The following MYH11 variants were observed in gnomAD, a reference collection of about 807,000 sequenced individuals.
MYH11 encodes the protein myosin-11.
In MYH11, 80 loss-of-function variants were observed where a neutral mutation model predicts 246.6. The ratio of observed to expected loss-of-function variants is 0.32; its 90% confidence interval spans 0.27 to 0.39. The LOEUF is 0.39. Among genes scored for constraint, MYH11 ranks in the 10% least tolerant of loss-of-function variants. MYH11 has a pLI of 1.00. For missense variants in MYH11, 2,158 were observed against 2,546.8 expected (o/e 0.85, Z 3.29); for synonymous variants, 1,071 against 1,015.5 (o/e 1.05, Z -1.04).
intron 2 of MYH11, among the ~76,000 whole-genome samples, chr16:15,831,940 A>G (rs2043751343): frequency 6.6e-6 from 1 of 151,652 alleles, no homozygotes; most frequent in Non-Finnish European, 1.5e-5. Context: ...TCCATGTTAA[A>G]AAAAAAAAAA....
At chr16:15,811,659 C>T (rs1023566483) in intron 3 of MYH11, among the ~76,000 whole-genome samples, 1 of 151,914 alleles carries the variant, frequency 6.6e-6, no homozygotes, top group African/African-American at 2.4e-5. Context: ...GAGCAGGAAC[C>T]ATCCCCAGGG....
chr16:15,824,500 C>T (rs775478524), intron 2 of MYH11, among the ~76,000 whole-genome samples: 4 of 152,080 alleles, frequency 2.6e-5, no homozygotes, highest in Non-Finnish European at 4.4e-5. Context: ...AGGCTGGTCT[C>T]GAACTCCTGA....
rs139719694 is a variant in MYH11 at position 15,797,655 on chromosome 16, G to A, written c.530+1005C>T. On this transcript the variant is annotated intron_variant, in intron 4 of 40. Coordinates refer to ENST00000300036, the MANE Select transcript of MYH11 (RefSeq NM_002474.3). Reference sequence around the variant, plus strand: ...TATATTCTATATTTTCAAATTCACCGACCTGCTGAAAGTTATTTGTAACCC... The same window carrying A: ...TATATTCTATATTTTCAAATTCACCAACCTGCTGAAAGTTATTTGTAACCC... Among the ~76,000 whole-genome samples the A allele has an allele frequency of 9.5e-3, 1,423 of 150,446 alleles. 67 individuals carry two copies. The highest frequency in any genetic ancestry group is 0.085 in the Admixed American group (1,275 of 15,030).
Position 15,763,851 on chromosome 16 carries a change from A to G in MYH11, c.1074T>C (p.Asn358=), listed in dbSNP as rs2151282590. The part of the protein sequence containing the change: ...KVVSSVLQLG[N]IVFKKERNTD... ...TGTTTCTTTCCTTCTTGAAGACGAT[A>G]TTTCCAAGCTGCAGGACCGATGATA... The change falls in exon 10 of 41, where the codon AAT becomes AAC. Residue 358 remains asparagine, a synonymous_variant. Coordinates refer to ENST00000300036, the MANE Select transcript of MYH11 (RefSeq NM_002474.3). 8 of 1,610,926 alleles carry G rather than the reference A, an allele frequency of 5.0e-6. No homozygotes were observed. The highest frequency in any genetic ancestry group is 6.8e-6 in the Non-Finnish European group (8 of 1,179,486).
rs370703995 is a variant in MYH11, at chr16:15,719,562, C to T, written c.5082+23G>A. On this transcript the variant is annotated intron_variant, in intron 35 of 40. Coordinates refer to ENST00000300036, the MANE Select transcript of MYH11 (RefSeq NM_002474.3). ...TACCGTGACACCCGCATCTGAGGCTCTCCTAGCAAGGCGAGGCTTTACCTC... is the reference window on the plus strand; with the variant it reads ...TACCGTGACACCCGCATCTGAGGCTTTCCTAGCAAGGCGAGGCTTTACCTC... 6 of 1,613,544 alleles carry T rather than the reference C, an allele frequency of 3.7e-6. No homozygotes were observed. The Admixed American group carries it at 5.0e-5, about 13-fold the overall frequency.
At chr16:15,757,094 G>A (rs1325531777) in intron 13 of MYH11, among the ~76,000 whole-genome samples, 4 of 151,994 alleles carry the variant, frequency 2.6e-5, no homozygotes, top group Non-Finnish European at 2.9e-5. Context: ...CACCGCGCCC[G>A]GCCGAGTTCA....
intron 3 of MYH11, among the ~76,000 whole-genome samples, chr16:15,805,180 G>A (rs2042981339): frequency 6.6e-6 from 1 of 152,158 alleles, no homozygotes; most frequent in South Asian, 2.1e-4. Context: ...ATAACTCTAT[G>A]GAGAAACTAT....
At chr16:15,847,779 T>C (rs925277666) in intron 1 of MYH11, among the ~76,000 whole-genome samples, 1 of 152,214 alleles carries the variant, frequency 6.6e-6, no homozygotes, top group Non-Finnish European at 1.5e-5. Context: ...TTGATGTCTC[T>C]GACAGTTACG....
chr16:15,724,598 A>G (rs777083800), intron 30 of MYH11, 49 bp downstream of exon 30: 1 of 1,612,594 alleles, frequency 6.2e-7, no homozygotes, highest in South Asian at 1.1e-5. Context: ...ATCTCAGCGC[A>G]GAGAAGTTGA....
chr16:15,738,529 A>G (rs1183846236), intron 24 of MYH11, 36 bp downstream of exon 24: 1 of 1,580,920 alleles, frequency 6.3e-7, no homozygotes, highest in Non-Finnish European at 8.6e-7. Flanking sequence ...AAATAATAAA[A>G]TAAAATAAAA....
At chr16:15,833,407 G>GGAAAGAAA (rs1567208242) in intron 2 of MYH11, among the ~76,000 whole-genome samples, 9 of 135,906 alleles carry the variant, frequency 6.6e-5, no homozygotes, top group Non-Finnish European at 1.0e-4. Context: ...AAGGAAGGAA[G>GGAAAGAAA]GAAGGGAGGA....
intron 3 of MYH11, among the ~76,000 whole-genome samples, chr16:15,805,776 A>C (rs1185942322): frequency 1.3e-5 from 2 of 152,134 alleles, no homozygotes; most frequent in Non-Finnish European, 2.9e-5. Flanking sequence ...TTAGCTGGGC[A>C]TAGTGGCACA....
intron 16 of MYH11, chr16:15,749,584 G>T (rs12325390): frequency 6.4e-6 from 1 of 156,342 alleles, no homozygotes; most frequent in African/African-American, 2.4e-5. Context: ...ACCTCTCCCC[G>T]TGTCTCCCAT....
At chr16:15,851,494 G>T (rs2044327964) in intron 1 of MYH11, among the ~76,000 whole-genome samples, 1 of 152,094 alleles carries the variant, frequency 6.6e-6, no homozygotes. Context: ...GGAGTCAGGA[G>T]TACAATCCAG....
intron 6 of MYH11, among the ~76,000 whole-genome samples, chr16:15,780,141 C>A (rs1765015036): frequency 6.6e-6 from 1 of 152,156 alleles, no homozygotes; most frequent in Non-Finnish European, 1.5e-5. Flanking sequence ...GCACGTGCTT[C>A]CATTTATGAC....
chr16:15,764,688 G>C (rs1469545303), intron 9 of MYH11, among the ~76,000 whole-genome samples: 1 of 152,164 alleles, frequency 6.6e-6, no homozygotes, highest in Non-Finnish European at 1.5e-5. Context: ...CCATGGGGCT[G>C]GTGGCATTGT....
chr16:15,742,034 A>C, intron 20 of MYH11, 143 bp from the exon 21 acceptor site: 1 of 1,314,682 alleles, frequency 7.6e-7, no homozygotes, highest in South Asian at 1.3e-5. Context: ...GACACTGCTG[A>C]TTGTCACAGC....
rs1456500560 is a variant in MYH11, at chr16:15,750,267, G to C, written c.1929C>G (p.Ser643=). Residue 643 remains serine (S), a synonymous_variant, in exon 16 of 41, where the codon TCC becomes TCG. Coordinates refer to ENST00000300036, the MANE Select transcript of MYH11 (RefSeq NM_002474.3). This position sits in a 1 kb window ranked among gnomAD's most constrained non-coding sequence, Gnocchi z 4.3. ...TGCGGAACATGCCCTTCTTGGTCTT[G>C]GAGGCGCTGGGCAGCGAGCTCTCCG... is the stretch of plus-strand genomic sequence containing the variant. ...KMTESSLPSA[S]KTKKGMFRTV... is the part of the protein sequence containing the mutation. 1.9e-6 allele frequency: 3 copies of C among 1,613,996 alleles called. No individual in the cohort carries two copies. The South Asian group carries it at 3.3e-5, about 18-fold the overall frequency.
chr16:15,849,789 C>G (rs1386252518), intron 1 of MYH11, among the ~76,000 whole-genome samples: 1 of 152,132 alleles, frequency 6.6e-6, no homozygotes, highest in Non-Finnish European at 1.5e-5. Context: ...TAATCATTAG[C>G]CTCTGGAAGA....
Sources: gnomAD v4.1 joint callset for allele counts (sites outside exome capture counted in the v4.1 genomes callset) on GRCh38, gnomAD v4.1.1 for gene constraint, Gnocchi (gnomAD v3.1) non-coding constraint, MANE v1.5 for transcripts, NCBI Gene and HGNC (gene_info 2026-07-23, HGNC 2026-07-21) for gene names.